The following PRMT9 variants were observed in gnomAD, a reference collection of about 807,000 sequenced individuals.
PRMT9 encodes protein arginine N-methyltransferase 9.
In PRMT9, 59 loss-of-function variants were observed where a neutral mutation model predicts 83.2. The observed-to-expected ratio is 0.71, with a 90% confidence interval of 0.57 to 0.88. The LOEUF is 0.88. Ranked by LOEUF, PRMT9 falls within the 40% of genes least tolerant of loss-of-function variation. The pLI, the probability that PRMT9 is intolerant of heterozygous loss-of-function variation, is 0.00. For missense variants in PRMT9, 947 were observed against 1,021.9 expected, an observed-to-expected ratio of 0.93 and a Z score of 1.00; for synonymous variants, 333 against 353.2, an observed-to-expected ratio of 0.94 and a Z score of 0.64.
At chr4:147,679,408 T>TGCACTCCAACCTGA (rs1488135423) in intron 2 of PRMT9, among the ~76,000 whole-genome samples, 1 of 151,646 alleles carries the variant, frequency 6.6e-6, no homozygotes, top group Non-Finnish European at 1.5e-5. Context: ...ATGGTGCTAC[T>TGCACTCCAACCTGA]GCACTCCAAC....
intron 2 of PRMT9, 99 bp downstream of exon 2, chr4:147,680,224 C>A (rs1736373863): frequency 1.9e-6 from 2 of 1,066,524 alleles, no homozygotes; most frequent in Admixed American, 1.8e-5. Context: ...TAATAATTCT[C>A]CATATTAAAC....
In PRMT9 at chr4:147,674,023, T is replaced by G. The variant is rs538385672; in HGVS notation, c.339-149A>C. The G allele has an allele frequency of 2.8e-4, 193 of 687,392 alleles. 1 individual carries two copies. The highest frequency in any genetic ancestry group is 2.6e-3 in the African/African-American group (148 of 56,268). The allele number at this position is 687,392 out of a possible 1,614,324, so 42.6% of individuals were successfully genotyped here. The stretch of plus-strand genomic sequence containing the variant: ...AAGTGCTACCTCTTTTGGGAAGCTG[T>G]CTGTGAGGACTGCAAGCCTCAGTAT... On this transcript the variant is annotated intron_variant, in intron 2 of 11. Coordinates refer to ENST00000322396, the MANE Select transcript of PRMT9 (RefSeq NM_138364.4).
At chr4:147,658,668 C>T (rs1215760393) in intron 7 of PRMT9, among the ~76,000 whole-genome samples, 1 of 152,108 alleles carries the variant, frequency 6.6e-6, no homozygotes, top group Non-Finnish European at 1.5e-5. Context: ...TATTGAAAGT[C>T]GTAACAGGTA....
In PRMT9 at chr4:147,657,449, CG is replaced by C. The variant is rs775608281; in HGVS notation, c.1330+342del. Among the ~76,000 whole-genome samples, 12 of 151,596 alleles carry C rather than the reference CG, an allele frequency of 7.9e-5. 1 individual carries two copies. Among genetic ancestry groups the C allele is most frequent in the Middle Eastern group, 3.4e-3 (1 of 290 alleles). On this transcript the variant is annotated intron_variant, in intron 8 of 11. Coordinates refer to ENST00000322396, the MANE Select transcript of PRMT9 (RefSeq NM_138364.4). ...CTGAGGCAGGAGAATGGCGTGAACC[CG>C]GGAGGCGGAGCTTGCAGTGAGCCGA...
chr4:147,638,985 A>C lies in PRMT9; in HGVS notation c.2297T>G (p.Leu766Trp), dbSNP rs767833597. ...LLRLDLMTPY[L>W]NTSNREVKVY... is the part of the protein sequence containing the mutation. ...CTTTACTTCTCTGTTAGAGGTGTTC[A>C]AATACGGAGTCATTAAATCTAGTCT... is the stretch of plus-strand genomic sequence containing the variant. Residue 766 changes from leucine to tryptophan, a missense_variant, in exon 11 of 12, where the codon TTG (leucine) becomes TGG (tryptophan). Transcript: ENST00000322396. 1 of 1,612,564 alleles carries C rather than the reference A, an allele frequency of 6.2e-7. No homozygotes were observed. Among genetic ancestry groups the C allele is most frequent in the African/African-American group, 1.3e-5 (1 of 74,892 alleles).
At chr4:147,641,921 T>C (rs1176482353) in intron 10 of PRMT9, among the ~76,000 whole-genome samples, 1 of 152,118 alleles carries the variant, frequency 6.6e-6, no homozygotes, top group African/African-American at 2.4e-5. Context: ...CCTTTGCCTC[T>C]CAAAGTGCCA....
chr4:147,645,552 T>C (rs1162876108), intron 9 of PRMT9, among the ~76,000 whole-genome samples: 1 of 152,174 alleles, frequency 6.6e-6, no homozygotes, highest in Non-Finnish European at 1.5e-5. Context: ...ACATGCTAAA[T>C]ACTAAAGAAA....
intron 6 of PRMT9, 130 bp downstream of exon 6, chr4:147,668,408 GC>G: frequency 1.5e-6 from 1 of 681,686 alleles, no homozygotes; most frequent in Non-Finnish European, 2.6e-6. Context: ...TTCCCCTTCT[GC>G]CATGTTTGTA....
rs762523133 is a variant in PRMT9 at position 147,657,773 on chromosome 4, A to C, written c.1330+19T>G. 66 of 1,608,554 alleles carry C rather than the reference A, an allele frequency of 4.1e-5. No homozygotes were observed. The highest frequency in any genetic ancestry group is 5.5e-5 in the Non-Finnish European group (65 of 1,175,990). On this transcript the variant is annotated intron_variant, in intron 8 of 11. Transcript: ENST00000322396. ...AAGATTAAAGCAAGAGGTTAAAAAA[A>C]AAAATGGACAAGACCTACCTGCAAG...
intron 9 of PRMT9, among the ~76,000 whole-genome samples, chr4:147,649,410 G>GT (rs1733949195): frequency 2.0e-5 from 3 of 152,134 alleles, no homozygotes; most frequent in Admixed American, 1.3e-4. Context: ...CATAGCCATG[G>GT]TTTTTTAAAA....
chr4:147,641,492 T>C (rs1335919685), intron 10 of PRMT9, among the ~76,000 whole-genome samples: 3 of 152,166 alleles, frequency 2.0e-5, no homozygotes, highest in Non-Finnish European at 4.4e-5. Context: ...CTTTATAAAA[T>C]AGTATATCCC....
At position 147,657,924 on chromosome 4, in the gene PRMT9, T is replaced by C; in HGVS notation, c.1198A>G (p.Ile400Val). The change falls in exon 8 of 12, where the codon ATT becomes GTT. Residue 400 changes from isoleucine to valine, a missense_variant. Physicochemically the swap from Ile to Val is conservative, Grantham distance 29 (BLOSUM62 3). Transcript: ENST00000322396. Reference sequence around the variant, plus strand: ...ATAGCATCTAGTATGCCTTCTTTAATAACAGGAATACCAATCTTATCAGGC... The same window carrying C: ...ATAGCATCTAGTATGCCTTCTTTAACAACAGGAATACCAATCTTATCAGGC... Reference protein sequence around the residue: ...KKPDKIGIPVIKEGILDAIMV... With the variant: ...KKPDKIGIPVVKEGILDAIMV... 1 of 1,603,852 alleles carries C rather than the reference T, an allele frequency of 6.2e-7. No homozygotes were observed. Among genetic ancestry groups the C allele is most frequent in the African/African-American group, 1.4e-5 (1 of 72,112 alleles).
chr4:147,664,922 C>G (rs996439585), intron 6 of PRMT9, among the ~76,000 whole-genome samples: 1 of 151,856 alleles, frequency 6.6e-6, no homozygotes, highest in Non-Finnish European at 1.5e-5. Context: ...CGAGACCAAC[C>G]TGGCCAACAT....
Position 147,673,824 on chromosome 4 carries a change from A to G in PRMT9, c.389T>C (p.Leu130Pro). 1.9e-6 allele frequency: 3 copies of G among 1,614,216 alleles called. No individual in the cohort carries two copies. Among genetic ancestry groups the G allele is most frequent in the Middle Eastern group, 1.6e-4 (1 of 6,062 alleles). Residue 130 changes from leucine (L) to proline (P), a missense_variant, in exon 3 of 12, where the codon CTA (leucine) becomes CCA (proline). Coordinates refer to ENST00000322396, the MANE Select transcript of PRMT9 (RefSeq NM_138364.4). ...AAGYFHKAVK[L>P]NPDFSDAKEN... ...CTTTGCATCACTGAAATCAGGGTTT[A>G]GCTTCACTGCTTTATGAAAATACCC... is the stretch of plus-strand genomic sequence containing the variant.
At position 147,654,376 on chromosome 4, in the gene PRMT9, C is replaced by T. The variant is rs774151090; in HGVS notation, c.1521G>A (p.Gln507=). The T allele has an allele frequency of 6.2e-7, 1 of 1,614,186 alleles. No individual in the cohort carries two copies. The highest frequency in any genetic ancestry group is 8.5e-7 in the Non-Finnish European group (1 of 1,180,034). ...GCTCTACAGCATCTGGTTTACTGGT[C>T]TGAAGGTTAGCGAGGGCACTACAAA... The part of the protein sequence containing the change: ...AELCSALANL[Q]TSKPDAVEQT... The change falls in exon 9 of 12, where the codon CAG becomes CAA. Residue 507 remains glutamine (Q), a synonymous_variant. Coordinates refer to ENST00000322396, the MANE Select transcript of PRMT9 (RefSeq NM_138364.4).
intron 6 of PRMT9, among the ~76,000 whole-genome samples, chr4:147,664,530 A>T (rs768189117): frequency 5.1e-4 from 77 of 152,182 alleles, no homozygotes; most frequent in Non-Finnish European, 9.7e-4. Flanking sequence ...TGGATGTGGT[A>T]CTATATAAGC....
intron 2 of PRMT9, among the ~76,000 whole-genome samples, chr4:147,678,100 C>T (rs767516553): frequency 3.3e-4 from 51 of 152,260 alleles, no homozygotes; most frequent in Non-Finnish European, 6.5e-4. Context: ...TAGTGAGCCA[C>T]GCAAGGGCCC....
At chr4:147,680,556 A>G in intron 1 of PRMT9, 85 bp from the exon 2 acceptor site, 1 of 1,031,448 alleles carries the variant, frequency 9.7e-7, no homozygotes, top group Non-Finnish European at 1.5e-6. Flanking sequence ...ATTCCAAGCA[A>G]TCGAACTTAA....
At chr4:147,659,566 G>A (rs1176282794) in intron 7 of PRMT9, among the ~76,000 whole-genome samples, 1 of 139,634 alleles carries the variant, frequency 7.2e-6, no homozygotes, top group Non-Finnish European at 1.5e-5. Context: ...AATTTCTTTG[G>A]GCACTTTCTT....
Sources: allele counts gnomAD v4.1 joint callset (sites outside exome capture counted in the v4.1 genomes callset), GRCh38; gene constraint gnomAD v4.1.1; transcripts MANE v1.5; gene names NCBI Gene and HGNC (gene_info 2026-07-23, HGNC 2026-07-21).